XPR1: variants seen among roughly 807,000 people sequenced by gnomAD.
XPR1 encodes xenotropic and polytropic retrovirus receptor 1, also known as solute carrier family 53 member 1.
A neutral mutation model predicts 87.5 loss-of-function variants in XPR1; 28 were observed. That is an observed-to-expected ratio of 0.32 (90% CI 0.24 to 0.44). The LOEUF (loss-of-function observed/expected upper bound fraction) is 0.44, where lower values mean the gene tolerates loss of function less well. Among genes scored for constraint, XPR1 ranks in the 20% least tolerant of loss-of-function variants. XPR1 has a pLI of 1.00. For synonymous variants in XPR1, 300 were observed against 306.1 expected (o/e 0.98, Z 0.21); for missense variants, 559 against 862.3 (o/e 0.65, Z 4.41).
intron 1 of XPR1, among the ~76,000 whole-genome samples, chr1:180,634,679 C>T (rs569894632): frequency 1.3e-5 from 2 of 152,122 alleles, no homozygotes; most frequent in East Asian, 3.9e-4. Context: ...TTGTATTTTA[C>T]CCTTGGTTTC....
At chr1:180,778,234 T>C (rs752404573) in intron 2 of XPR1, among the ~76,000 whole-genome samples, 1 of 152,124 alleles carries the variant, frequency 6.6e-6, no homozygotes, top group Admixed American at 6.5e-5. Context: ...TTCTCCCACC[T>C]CGGCCTCCCA....
At chr1:180,763,615 C>T (rs1221652908) in intron 2 of XPR1, among the ~76,000 whole-genome samples, 1 of 152,116 alleles carries the variant, frequency 6.6e-6, no homozygotes, top group Non-Finnish European at 1.5e-5. Context: ...ATGTTTAACA[C>T]AGTAGAAAAA....
chr1:180,817,413 C>G (rs1297516829), intron 7 of XPR1, among the ~76,000 whole-genome samples: 1 of 152,170 alleles, frequency 6.6e-6, no homozygotes, highest in Non-Finnish European at 1.5e-5. Flanking sequence ...CTGACTCACC[C>G]AGAGCAACTT....
At chr1:180,742,642 C>A (rs1327669091) in intron 2 of XPR1, among the ~76,000 whole-genome samples, 3 of 152,118 alleles carry the variant, frequency 2.0e-5, no homozygotes, top group Non-Finnish European at 4.4e-5. Context: ...AGGTTAATTA[C>A]ATCCACTTGG....
chr1:180,801,317 C>A (rs193037427), intron 3 of XPR1, among the ~76,000 whole-genome samples: 7 of 152,270 alleles, frequency 4.6e-5, no homozygotes, highest in South Asian at 2.1e-4. Context: ...ATTTTCTGGG[C>A]CCCCTCAGGG....
intron 2 of XPR1, among the ~76,000 whole-genome samples, chr1:180,694,773 G>GCACACACACACACA (rs56118040): frequency 9.4e-5 from 14 of 149,512 alleles, no homozygotes; most frequent in African/African-American, 2.9e-4. Context: ...ATTGTTGTGT[G>GCACACACACACACA]CACACACACA....
chr1:180,674,372 C>A (rs1410296581), intron 1 of XPR1, among the ~76,000 whole-genome samples: 1 of 152,202 alleles, frequency 6.6e-6, no homozygotes, highest in Non-Finnish European at 1.5e-5. Context: ...GATTCTCCTG[C>A]CTCAGCCTCC....
At chr1:180,751,150 G>C (rs747645625) in intron 2 of XPR1, among the ~76,000 whole-genome samples, 26 of 151,980 alleles carry the variant, frequency 1.7e-4, no homozygotes, top group Non-Finnish European at 3.2e-4. Context: ...AAGTGCTTTT[G>C]TAGGTTTCTG....
chr1:180,718,146 A>G (rs1337073140), intron 2 of XPR1, among the ~76,000 whole-genome samples: 1 of 152,216 alleles, frequency 6.6e-6, no homozygotes, highest in Admixed American at 6.5e-5. Flanking sequence ...AGCATTAATC[A>G]GACTGTCCTT....
chr1:180,716,091 G>A (rs945162007), intron 2 of XPR1, among the ~76,000 whole-genome samples: 1 of 152,140 alleles, frequency 6.6e-6, no homozygotes, highest in Admixed American at 6.5e-5. Flanking sequence ...ATAGATCCAT[G>A]TATCAGATAA....
intron 4 of XPR1, among the ~76,000 whole-genome samples, chr1:180,804,472 T>C (rs1018801185): frequency 6.6e-6 from 1 of 152,220 alleles, no homozygotes; most frequent in Admixed American, 6.5e-5. Context: ...GAAAAGCATC[T>C]ATCTAATCTT....
At chr1:180,714,620 G>A (rs760282542) in intron 2 of XPR1, among the ~76,000 whole-genome samples, 3 of 151,902 alleles carry the variant, frequency 2.0e-5, no homozygotes, top group Non-Finnish European at 2.9e-5. Context: ...GCCCAGCCTG[G>A]TCTTGAACTC....
chr1:180,777,044 CTTAGAGA>C (rs969741636), intron 2 of XPR1, among the ~76,000 whole-genome samples: 2 of 152,122 alleles, frequency 1.3e-5, no homozygotes, highest in Non-Finnish European at 2.9e-5. Context: ...TAGGAAAAGA[CTTAGAGA>C]TTACCTATTC....
rs572104575 is a variant in XPR1 at position 180,734,192 on chromosome 1, C to T, written c.121+51781C>T. ...TAAGGTGCATGTGTTACCAAAACAC[C>T]GGGGGTTCAGTTTAGGGCCTGCTGC... On this transcript the variant is annotated intron_variant, in intron 2 of 14. Coordinates refer to ENST00000367590, the MANE Select transcript of XPR1 (RefSeq NM_004736.4). Among the ~76,000 whole-genome samples, 38 of 152,182 alleles carry T rather than the reference C, an allele frequency of 2.5e-4. No individual in the cohort carries two copies. The East Asian group carries it at 5.2e-3, about 21-fold the overall frequency.
chr1:180,697,018 C>T (rs1260361122), intron 2 of XPR1, among the ~76,000 whole-genome samples: 1 of 152,032 alleles, frequency 6.6e-6, no homozygotes, highest in Non-Finnish European at 1.5e-5. Context: ...GAAGAGTTTT[C>T]TCCTCTCCAG....
intron 14 of XPR1, among the ~76,000 whole-genome samples, chr1:180,882,023 G>T (rs1342772826): frequency 1.3e-5 from 2 of 152,156 alleles, no homozygotes; most frequent in Non-Finnish European, 2.9e-5. Flanking sequence ...TGCCACAAAG[G>T]GCTGGAAGAA....
At chr1:180,824,212 A>G (rs1040603135) in intron 7 of XPR1, among the ~76,000 whole-genome samples, 1 of 152,202 alleles carries the variant, frequency 6.6e-6, no homozygotes, top group Non-Finnish European at 1.5e-5. Flanking sequence ...AGTTTTGGGA[A>G]ATTATTCTAG....
chr1:180,834,858 T>C lies in XPR1; in HGVS notation c.1135-16T>C. 1 of 1,588,500 alleles carries C rather than the reference T, an allele frequency of 6.3e-7. No homozygotes were observed. Among genetic ancestry groups the C allele is most frequent in the Non-Finnish European group, 8.5e-7 (1 of 1,170,628 alleles). ...TTTTCTTGTTTCTGTGTTTTCTGAT[T>C]TTTTTTTTCTTTCAGTTTCGAGTAT... On this transcript the variant is annotated splice_polypyrimidine_tract_variant and intron_variant, in intron 9 of 14. Coordinates refer to ENST00000367590, the MANE Select transcript of XPR1 (RefSeq NM_004736.4).
chr1:180,785,293 C>T (rs1240575485), intron 2 of XPR1, among the ~76,000 whole-genome samples: 2 of 151,886 alleles, frequency 1.3e-5, no homozygotes, highest in African/African-American at 2.4e-5. Context: ...GCTAGGATTA[C>T]AGGCACGAGC....
Sources: gnomAD v4.1 joint callset for allele counts (sites outside exome capture counted in the v4.1 genomes callset) on GRCh38, gnomAD v4.1.1 for gene constraint, MANE v1.5 for transcripts, NCBI Gene and HGNC (gene_info 2026-07-23, HGNC 2026-07-21) for gene names.